Variants in EIF3I observed in about 807,000 individuals in gnomAD.
EIF3I encodes the protein eukaryotic translation initiation factor 3 subunit I.
EIF3I carries 20 observed loss-of-function variants against 43.3 expected under a neutral mutation model. The ratio of observed to expected loss-of-function variants is 0.46; its 90% CI spans 0.32 to 0.67. The LOEUF is 0.67. Among genes scored for constraint, EIF3I ranks in the 30% least tolerant of loss-of-function variants. The pLI is 0.03. For missense variants in EIF3I, 279 were observed against 421.4 expected, an observed-to-expected ratio of 0.66 and a Z score of 2.96; for synonymous variants, 167 against 151.7, an observed-to-expected ratio of 1.10 and a Z score of -0.74.
exon 9 of EIF3I, chr1:32,229,167 T>G: frequency 6.2e-7 from 1 of 1,614,150 alleles, no homozygotes; most frequent in Non-Finnish European, 8.5e-7. Flanking sequence ...AAGCCATGGA[T>G]GTAACCACAA....
intron 10 of EIF3I, 24 bp from the exon 10 acceptor site, chr1:32,230,903 T>G (rs372366775): frequency 5.2e-6 from 8 of 1,551,878 alleles, no homozygotes; most frequent in African/African-American, 1.4e-5. Context: ...AGAAAGTGAA[T>G]TAATTGTGTC....
At chr1:32,228,737 C>G in exon 8 of EIF3I, 4 of 1,614,070 alleles carry the variant, frequency 2.5e-6, no homozygotes, top group Non-Finnish European at 2.5e-6. Flanking sequence ...CTTTTTGACT[C>G]CACAACTCTT....
At chr1:32,236,133 T>C (rs1050942372), downstream of EIF3I, among the ~76,000 whole-genome samples, 1 of 152,212 alleles carries the variant, frequency 6.6e-6, no homozygotes, top group African/African-American at 2.4e-5. Flanking sequence ...AAATATTAAA[T>C]GGAAAATTCC....
intron 6 of EIF3I, 86 bp from the exon 7 acceptor site, chr1:32,228,413 A>G (rs1639183081): frequency 9.1e-7 from 1 of 1,099,544 alleles, no homozygotes; most frequent in African/African-American, 1.5e-5. Context: ...ATGCTGTCTC[A>G]GCTTTCATTT....
downstream of EIF3I, among the ~76,000 whole-genome samples, chr1:32,233,123 G>A (rs55670431): frequency 0.12 from 18,222 of 152,062 alleles, 1,394 homozygotes; most frequent in South Asian, 0.25. Flanking sequence ...CTTCCCAAGT[G>A]GCTGGGATTA....
At chr1:32,229,258 T>C in intron 9 of EIF3I, 50 bp downstream of exon 9, 1 of 1,580,866 alleles carries the variant, frequency 6.3e-7, no homozygotes, top group Non-Finnish European at 8.6e-7. Context: ...TGGTGTACCT[T>C]TTTTGTTTGT....
intron 4 of EIF3I, among the ~76,000 whole-genome samples, 192 bp from the exon 5 acceptor site, chr1:32,225,979 C>T (rs746820362): frequency 4.6e-5 from 7 of 151,734 alleles, no homozygotes; most frequent in Non-Finnish European, 1.0e-4. Flanking sequence ...GCCGAGATTG[C>T]ACCACTGCAC....
chr1:32,234,979 G>A (rs142529434), downstream of EIF3I: 1 of 152,982 alleles, frequency 6.5e-6, no homozygotes, highest in African/African-American at 2.4e-5. Flanking sequence ...TGCCAGGCAG[G>A]TGGTGCTCAG....
At chr1:32,226,591 G>A (rs1176841714) in intron 6 of EIF3I, 61 bp downstream of exon 6, 1 of 1,392,180 alleles carries the variant, frequency 7.2e-7, no homozygotes, top group Admixed American at 2.7e-5. Flanking sequence ...TTTTAAGATA[G>A]AGTCTCTCTC....
downstream of EIF3I, among the ~76,000 whole-genome samples, chr1:32,235,440 T>C (rs1557558866): frequency 6.6e-6 from 1 of 152,032 alleles, no homozygotes; most frequent in Non-Finnish European, 1.5e-5. Flanking sequence ...AAGTGATTCT[T>C]CTGCCTCAGC....
intron 6 of EIF3I, among the ~76,000 whole-genome samples, chr1:32,227,610 A>C (rs543313589): frequency 6.6e-6 from 1 of 151,486 alleles, no homozygotes; most frequent in South Asian, 2.1e-4. Flanking sequence ...CTGTCTCTAC[A>C]AAAAAAAATT....
chr1:32,223,816 G>A (rs16834930), intron 2 of EIF3I, among the ~76,000 whole-genome samples: 5,411 of 152,206 alleles, frequency 0.036, 329 homozygotes, highest in African/African-American at 0.12. Context: ...AACAAATGAG[G>A]ATGCCTTTAC....
intron 4 of EIF3I, 31 bp from the exon 5 acceptor site, chr1:32,226,140 A>T: frequency 6.2e-7 from 1 of 1,608,130 alleles, no homozygotes; most frequent in Admixed American, 1.7e-5. Flanking sequence ...ATTGCAATGG[A>T]TGGTGTAGCC....
chr1:32,224,345 C>A, intron 3 of EIF3I, 65 bp from the exon 4 acceptor site: 2 of 1,396,082 alleles, frequency 1.4e-6, no homozygotes, highest in South Asian at 1.2e-5. Flanking sequence ...GGAGATGATT[C>A]ACTTGGCATC....
downstream of EIF3I, chr1:32,232,240 G>A (rs944797350): frequency 1.4e-4 from 21 of 152,326 alleles, no homozygotes; most frequent in Admixed American, 1.1e-3. Flanking sequence ...TGGGAGTCTG[G>A]GTGGGCAGCC....
intron 6 of EIF3I, among the ~76,000 whole-genome samples, chr1:32,226,772 G>T (rs571401980): frequency 2.8e-5 from 4 of 142,806 alleles, no homozygotes; most frequent in African/African-American, 1.0e-4. Context: ...GTTTCACCAT[G>T]TTGGTCAGTC....
downstream of EIF3I, chr1:32,235,334 GTT>G (rs371167862): frequency 4.8e-5 from 7 of 144,412 alleles, no homozygotes; most frequent in Non-Finnish European, 9.2e-5. Context: ...CCATGAAATG[GTT>G]TTTTTTTTTT....
At chr1:32,225,388 C>T (rs1639127293) in intron 4 of EIF3I, among the ~76,000 whole-genome samples, 1 of 152,202 alleles carries the variant, frequency 6.6e-6, no homozygotes, top group African/African-American at 2.4e-5. Context: ...AGATATATTG[C>T]AGTCTACGTA....
rs748499926 is a variant in EIF3I, at chr1:32,229,252, G to A, written c.803+44G>A. 7.8e-5 allele frequency: 124 copies of A among 1,595,964 alleles called. 3 individuals carry two copies. The South Asian group carries it at 1.3e-3, about 17-fold the overall frequency. The stretch of plus-strand genomic sequence containing the variant: ...CTTCCAAATTAAAATCTCATGTGGT[G>A]TACCTTTTTTGTTTGTTTTTGTTTT... On this transcript the variant is annotated intron_variant, in intron 9 of 11. Transcript: ENST00000676679.
Sources: gnomAD v4.1 joint callset for allele counts (sites outside exome capture counted in the v4.1 genomes callset) on GRCh38, gnomAD v4.1.1 for gene constraint, MANE v1.5 for transcripts, NCBI Gene and HGNC (gene_info 2026-07-23, HGNC 2026-07-21) for gene names.